The following DPP10 variants were observed in gnomAD, a reference collection of about 807,000 sequenced individuals.
The protein encoded by DPP10 is dipeptidyl peptidase like 10.
DPP10 carries 33 observed loss-of-function variants against 120.9 expected under a neutral mutation model. The observed-to-expected ratio is 0.27, with a 90% confidence interval of 0.21 to 0.37. The LOEUF (loss-of-function observed/expected upper bound fraction) is 0.37. Ranked by LOEUF, DPP10 falls within the 10% of genes least tolerant of loss-of-function variation. The pLI, the probability that DPP10 is intolerant of heterozygous loss-of-function variation, is 1.00. For synonymous variants in DPP10, 337 were observed against 326.1 expected (o/e 1.03, Z -0.36); for missense variants, 816 against 942.8 (o/e 0.87, Z 1.76).
At chr2:115,326,156 A>G (rs2062353074) in intron 2 of DPP10, among the ~76,000 whole-genome samples, 1 of 152,124 alleles carries the variant, frequency 6.6e-6, no homozygotes, top group African/African-American at 2.4e-5. Context: ...GGTCTTCCAA[A>G]TGTCAGTGGA....
chr2:115,375,441 T>C (rs1318084886), intron 3 of DPP10, among the ~76,000 whole-genome samples: 1 of 152,186 alleles, frequency 6.6e-6, no homozygotes, highest in African/African-American at 2.4e-5. Context: ...GTGGAAACAA[T>C]TAAACAAGTA....
chr2:115,837,525 G>C (rs995324085), intron 24 of DPP10, among the ~76,000 whole-genome samples: 1 of 152,136 alleles, frequency 6.6e-6, no homozygotes, highest in East Asian at 1.9e-4. Flanking sequence ...CCTAAATCTT[G>C]AACTTAACTT....
intron 1 of DPP10, among the ~76,000 whole-genome samples, chr2:115,238,574 G>A (rs1029469714): frequency 6.6e-6 from 1 of 152,154 alleles, no homozygotes; most frequent in African/African-American, 2.4e-5. Context: ...AGCTGCAGAG[G>A]TGGTGGAAAT....
At chr2:115,000,026 A>G (rs1379071426) in intron 1 of DPP10, among the ~76,000 whole-genome samples, 1 of 125,362 alleles carries the variant, frequency 8.0e-6, no homozygotes, top group East Asian at 2.3e-4. Flanking sequence ...GTTTTTTTTT[A>G]ATTTATCAGT....
intron 1 of DPP10, among the ~76,000 whole-genome samples, chr2:115,032,632 G>A (rs1056801420): frequency 6.6e-6 from 1 of 151,964 alleles, no homozygotes; most frequent in African/African-American, 2.4e-5. Context: ...TGTAATCCCA[G>A]CACTTTGGGA....
intron 1 of DPP10, among the ~76,000 whole-genome samples, chr2:115,038,066 A>G (rs542461474): frequency 4.7e-4 from 72 of 152,074 alleles, no homozygotes; most frequent in African/African-American, 1.7e-3. Context: ...GTTTATTTCT[A>G]TTGGCACTGA....
At chr2:114,738,744 G>A (rs938224857) in intron 1 of DPP10, among the ~76,000 whole-genome samples, 1 of 152,228 alleles carries the variant, frequency 6.6e-6, no homozygotes, top group Admixed American at 6.5e-5. Context: ...CCACTGACCT[G>A]TGGCCCTTTC....
intron 1 of DPP10, among the ~76,000 whole-genome samples, chr2:114,867,010 C>A (rs1354787107): frequency 1.3e-5 from 2 of 152,114 alleles, no homozygotes; most frequent in Non-Finnish European, 2.9e-5. Flanking sequence ...ATATAGCCAT[C>A]GTTCATTTCC....
rs74536142 is a variant in DPP10 at position 114,581,931 on chromosome 2, T to C, written c.60+139093T>C. 3.4e-3 allele frequency among the ~76,000 whole-genome samples: 517 copies of C among 152,300 alleles called. 4 individuals are homozygous for C. Among genetic ancestry groups the C allele is most frequent in the African/African-American group, 0.012 (493 of 41,560 alleles). ...CTGTACCACACCAGAGAGGTACACT[T>C]ATTCCAATTGATGAACCTGTATTGA... On this transcript the variant is annotated intron_variant, in intron 1 of 25. Coordinates refer to ENST00000410059, the MANE Select transcript of DPP10 (RefSeq NM_020868.6).
At chr2:114,946,365 A>G (rs921044646) in intron 1 of DPP10, among the ~76,000 whole-genome samples, 6 of 152,166 alleles carry the variant, frequency 3.9e-5, no homozygotes, top group Non-Finnish European at 8.8e-5. Context: ...TCTAATGGAT[A>G]TGGAGTTTTA....
chr2:115,551,074 A>G (rs1575156737), intron 5 of DPP10, among the ~76,000 whole-genome samples: 1 of 152,186 alleles, frequency 6.6e-6, no homozygotes, highest in East Asian at 1.9e-4. Context: ...ACATTTTCCC[A>G]TGGTAACCAT....
At chr2:114,715,431 G>A (rs1265933170) in intron 1 of DPP10, among the ~76,000 whole-genome samples, 2 of 152,056 alleles carry the variant, frequency 1.3e-5, no homozygotes, top group Non-Finnish European at 2.9e-5. Flanking sequence ...CAATATTGAT[G>A]TGTTTAAGAC....
At chr2:115,038,547 A>G (rs1704399452) in intron 1 of DPP10, among the ~76,000 whole-genome samples, 1 of 152,068 alleles carries the variant, frequency 6.6e-6, no homozygotes, top group Non-Finnish European at 1.5e-5. Context: ...AAAGTGCTGG[A>G]ATTACAAGCA....
intron 1 of DPP10, among the ~76,000 whole-genome samples, chr2:114,734,518 T>C (rs1677230764): frequency 6.6e-6 from 1 of 152,168 alleles, no homozygotes; most frequent in South Asian, 2.1e-4. Flanking sequence ...ATTTCTTAAG[T>C]GTATTTGATT....
intron 7 of DPP10, among the ~76,000 whole-genome samples, chr2:115,716,134 A>G (rs1378082653): frequency 1.3e-5 from 2 of 152,242 alleles, no homozygotes; most frequent in Non-Finnish European, 2.9e-5. Flanking sequence ...GTAGTAACCC[A>G]GTATTGTTGT....
chr2:115,470,896 C>T (rs2074669862), intron 3 of DPP10, among the ~76,000 whole-genome samples: 1 of 152,060 alleles, frequency 6.6e-6, no homozygotes, highest in Non-Finnish European at 1.5e-5. Flanking sequence ...ATTTTACTGC[C>T]CTCATGACAT....
At chr2:115,583,089 A>G (rs1290865337) in intron 5 of DPP10, among the ~76,000 whole-genome samples, 1 of 152,250 alleles carries the variant, frequency 6.6e-6, no homozygotes, top group Non-Finnish European at 1.5e-5. Context: ...AACAAAGAGA[A>G]AATAGTGCAC....
At chr2:114,827,774 T>A (rs2106382461) in intron 1 of DPP10, among the ~76,000 whole-genome samples, 1 of 152,356 alleles carries the variant, frequency 6.6e-6, no homozygotes, top group Admixed American at 6.5e-5. Context: ...CAAGTACAAC[T>A]GAGAATTTTG....
At chr2:115,284,729 A>G (rs977006978) in intron 1 of DPP10, among the ~76,000 whole-genome samples, 3 of 152,014 alleles carry the variant, frequency 2.0e-5, no homozygotes, top group Non-Finnish European at 2.9e-5. Flanking sequence ...ACACCTATGT[A>G]TCTAGGATAC....
Sources: allele counts gnomAD v4.1 joint callset (sites outside exome capture counted in the v4.1 genomes callset), GRCh38; gene constraint gnomAD v4.1.1; transcripts MANE v1.5; gene names NCBI Gene and HGNC (gene_info 2026-07-23, HGNC 2026-07-21).